The following SCRG1 variants were observed in gnomAD, a reference collection of about 807,000 sequenced individuals.
SCRG1 encodes the protein scrapie-responsive protein 1.
SCRG1 carries 3 observed loss-of-function variants against 7.7 expected under a neutral mutation model. The observed-to-expected ratio is 0.39, with a 90% CI of 0.18 to 1.01. The LOEUF (loss-of-function observed/expected upper bound fraction) is 1.01. Ranked by LOEUF, SCRG1 falls within the 50% of genes least tolerant of loss-of-function variation. SCRG1 has a pLI of 0.36. For synonymous variants in SCRG1, 46 were observed against 41.2 expected (o/e 1.12, Z -0.44); for missense variants, 110 against 117.2 (o/e 0.94, Z 0.28).
the SCRG1 span, among the ~76,000 whole-genome samples, chr4:173,479,434 TG>T: frequency 1.9e-4 from 27 of 145,558 alleles, no homozygotes; most frequent in South Asian, 1.7e-3. Context: ...TTTGTTTGTT[TG>T]TTTTTTTGTT....
chr4:173,426,591 T>C, the SCRG1 span, among the ~76,000 whole-genome samples: 6 of 152,198 alleles, frequency 3.9e-5, no homozygotes, highest in Admixed American at 1.3e-4. Context: ...GCCTGTCTAG[T>C]AGCTGGAAGT....
chr4:173,443,037 A>G, the SCRG1 span, among the ~76,000 whole-genome samples: 1 of 152,198 alleles, frequency 6.6e-6, no homozygotes, highest in Non-Finnish European at 1.5e-5. Flanking sequence ...AGGTTAGGAA[A>G]GTACCTAAAA....
At chr4:173,488,702 T>C in the SCRG1 span, among the ~76,000 whole-genome samples, 1 of 152,334 alleles carries the variant, frequency 6.6e-6, no homozygotes. Flanking sequence ...AATAATTCAG[T>C]TTTGCAAATG....
chr4:173,416,975 A>C, the SCRG1 span, among the ~76,000 whole-genome samples: 2 of 142,530 alleles, frequency 1.4e-5, no homozygotes, highest in East Asian at 2.1e-4. Context: ...CACACACACC[A>C]CACACACACC....
At chr4:173,482,668 C>T in the SCRG1 span, among the ~76,000 whole-genome samples, 1 of 151,506 alleles carries the variant, frequency 6.6e-6, no homozygotes, top group Non-Finnish European at 1.5e-5. Flanking sequence ...AAATTGAAAA[C>T]TTAGCCAGGT....
At chr4:173,440,775 G>A in the SCRG1 span, among the ~76,000 whole-genome samples, 1 of 152,114 alleles carries the variant, frequency 6.6e-6, no homozygotes, top group Non-Finnish European at 1.5e-5. Flanking sequence ...AATCTCTAAG[G>A]AAGCATCCTT....
At chr4:173,415,819 A>G in the SCRG1 span, among the ~76,000 whole-genome samples, 2 of 152,246 alleles carry the variant, frequency 1.3e-5, no homozygotes, top group East Asian at 1.9e-4. Context: ...AACCAGGCCT[A>G]TCTGCCTCCA....
the SCRG1 span, among the ~76,000 whole-genome samples, chr4:173,502,783 T>G: frequency 6.6e-6 from 1 of 152,242 alleles, no homozygotes; most frequent in African/African-American, 2.4e-5. The surrounding 1 kb of genome is among the most constrained non-coding windows in gnomAD (Gnocchi z 4.6). Flanking sequence ...CCCCACAAGG[T>G]CCAAACAAAA....
the SCRG1 span, among the ~76,000 whole-genome samples, chr4:173,454,197 T>C: frequency 1.3e-5 from 2 of 151,574 alleles, no homozygotes; most frequent in Admixed American, 6.6e-5. Context: ...TTCAAGTAGG[T>C]GTGAAGACAG....
chr4:173,510,416 C>G, the SCRG1 span, among the ~76,000 whole-genome samples: 4 of 95,208 alleles, frequency 4.2e-5, no homozygotes. This position sits in a 1 kb window ranked among gnomAD's most constrained non-coding sequence, Gnocchi z 5.7. Flanking sequence ...AGGACCCAGG[C>G]CAAAACCATA....
At position 173,386,079 on chromosome 4, in the gene SCRG1, T is replaced by C. The variant is rs1473809439; in HGVS notation, c.*2262A>G. ...ATCTATATTATTTTACAATTTCACTTCATGTATTTTATAGGAGCTTACACT... is the reference window on the plus strand; with the variant it reads ...ATCTATATTATTTTACAATTTCACTCCATGTATTTTATAGGAGCTTACACT... On this transcript the variant is annotated 3_prime_UTR_variant, in exon 3 of 3. Transcript: ENST00000296506. The C allele has an allele frequency of 6.6e-6, 1 of 152,216 alleles. No individual in the cohort carries two copies. Among genetic ancestry groups the C allele is most frequent in the African/African-American group, 2.4e-5 (1 of 41,448 alleles). 9.4% of individuals were successfully genotyped at this position (152,216 alleles called of 1,614,324 possible). A position where few individuals can be genotyped will look rare whatever the true frequency, so the allele number is the denominator to read the frequency against.
At chr4:173,506,238 G>T in the SCRG1 span, among the ~76,000 whole-genome samples, 2 of 152,216 alleles carry the variant, frequency 1.3e-5, no homozygotes, top group African/African-American at 4.8e-5. This position sits in a 1 kb window ranked among gnomAD's most constrained non-coding sequence, Gnocchi z 5.3. Flanking sequence ...GAATAGGGAC[G>T]TAGGCCCTAC....
chr4:173,484,544 T>TATAATATATATTATATATTATATAC, the SCRG1 span, among the ~76,000 whole-genome samples: 3 of 77,958 alleles, frequency 3.8e-5, no homozygotes, highest in African/African-American at 5.7e-5. Flanking sequence ...ATATTATGTA[T>TATAATATATATTATATATTATATAC]ATTTTATATG....
the SCRG1 span, among the ~76,000 whole-genome samples, chr4:173,491,338 G>A: frequency 6.6e-6 from 1 of 151,316 alleles, no homozygotes; most frequent in African/African-American, 2.4e-5. Flanking sequence ...TATCGTTGCT[G>A]ACATGGTGGT....
chr4:173,513,550 T>C, the SCRG1 span, among the ~76,000 whole-genome samples: 3 of 152,330 alleles, frequency 2.0e-5, 1 homozygote, highest in South Asian at 6.2e-4. Flanking sequence ...GGAAAGGTCT[T>C]GTCCTCTTAG....
At chr4:173,450,515 CATT>C in the SCRG1 span, among the ~76,000 whole-genome samples, 2 of 152,160 alleles carry the variant, frequency 1.3e-5, no homozygotes, top group African/African-American at 4.8e-5. Context: ...GCATGGGCAG[CATT>C]GGGATCTCAT....
the SCRG1 span, among the ~76,000 whole-genome samples, chr4:173,448,949 C>A: frequency 6.6e-6 from 1 of 152,210 alleles, no homozygotes; most frequent in Admixed American, 6.5e-5. Context: ...AGAAAGTATT[C>A]TTTTGGAAGA....
At chr4:173,513,383 T>C in the SCRG1 span, among the ~76,000 whole-genome samples, 128 of 152,314 alleles carry the variant, frequency 8.4e-4, 2 homozygotes, top group East Asian at 0.024. Flanking sequence ...GGAGTTTACA[T>C]CATTACTCCC....
the SCRG1 span, among the ~76,000 whole-genome samples, chr4:173,501,862 T>C: frequency 0.72 from 108,888 of 152,074 alleles, 39,584 homozygotes; most frequent in Non-Finnish European, 0.79. The surrounding 1 kb of genome is among the most constrained non-coding windows in gnomAD (Gnocchi z 5.1). Flanking sequence ...CATCCAATTA[T>C]TCTTAAACAA....
Sources: allele counts gnomAD v4.1 joint callset (sites outside exome capture counted in the v4.1 genomes callset), GRCh38; gene constraint gnomAD v4.1.1; non-coding constraint Gnocchi (gnomAD v3.1); transcripts MANE v1.5; gene names NCBI Gene and HGNC (gene_info 2026-07-23, HGNC 2026-07-21).